Variants in KCNT2 observed in about 807,000 individuals in gnomAD.
KCNT2 encodes potassium channel subfamily T member 2.
KCNT2 carries 67 observed loss-of-function variants against 153.8 expected under a neutral mutation model. That is an observed-to-expected ratio of 0.44 (90% CI 0.36 to 0.53). The LOEUF (loss-of-function observed/expected upper bound fraction) is 0.53. Among genes scored for constraint, KCNT2 ranks in the 20% least tolerant of loss-of-function variants. The pLI is 0.00. For missense variants in KCNT2, 975 were observed against 1,354.8 expected, an observed-to-expected ratio of 0.72 and a Z score of 4.40; for synonymous variants, 500 against 458.8, an observed-to-expected ratio of 1.09 and a Z score of -1.15.
At chr1:196,378,723 A>C (rs1030860631) in intron 13 of KCNT2, among the ~76,000 whole-genome samples, 3 of 148,098 alleles carry the variant, frequency 2.0e-5, no homozygotes, top group Non-Finnish European at 4.5e-5. Flanking sequence ...AAACAGCAAT[A>C]TAATATATAA....
At chr1:196,248,359 AGTT>A (rs1222276112) in intron 26 of KCNT2, among the ~76,000 whole-genome samples, 2 of 152,078 alleles carry the variant, frequency 1.3e-5, no homozygotes, top group Non-Finnish European at 2.9e-5. Context: ...CAAAAGAAAA[AGTT>A]GTTTTTTGAT....
At chr1:196,451,217 C>CTTTTTTT (rs561944079) in intron 8 of KCNT2, among the ~76,000 whole-genome samples, 11 of 63,460 alleles carry the variant, frequency 1.7e-4, no homozygotes, top group East Asian at 1.4e-3. Context: ...ATCCCTCTTT[C>CTTTTTTT]TTTTTTTTTT....
intron 21 of KCNT2, among the ~76,000 whole-genome samples, chr1:196,308,792 G>C (rs77119640): frequency 0.013 from 1,934 of 151,968 alleles, 31 homozygotes; most frequent in African/African-American, 0.036. Context: ...CCAGTGTAAG[G>C]AGACACAGAT....
At chr1:196,267,442 T>G (rs1270878302) in intron 25 of KCNT2, among the ~76,000 whole-genome samples, 1 of 152,132 alleles carries the variant, frequency 6.6e-6, no homozygotes, top group Non-Finnish European at 1.5e-5. Flanking sequence ...ATGGAAGATA[T>G]TCCTCATTAA....
At position 196,226,081 on chromosome 1, in the gene KCNT2, T is replaced by A. The variant is rs1653470823; in HGVS notation, c.*2143A>T. 1 of 152,004 alleles carries A rather than the reference T, an allele frequency of 6.6e-6. No individual in the cohort carries two copies. Among genetic ancestry groups the A allele is most frequent in the Non-Finnish European group, 1.5e-5 (1 of 67,896 alleles). The allele number at this position is 152,004 out of a possible 1,614,324, so 9.4% of individuals were successfully genotyped here. On this transcript the variant is annotated 3_prime_UTR_variant, in exon 28 of 28. Coordinates refer to ENST00000294725, the MANE Select transcript of KCNT2 (RefSeq NM_198503.5). ...TTGGACTAATGTTCATAGTCAAAAA[T>A]AATTATTTTAAAATTTATGAAACAA...
At chr1:196,350,218 A>G (rs1036353542) in intron 14 of KCNT2, among the ~76,000 whole-genome samples, 1 of 152,174 alleles carries the variant, frequency 6.6e-6, no homozygotes, top group African/African-American at 2.4e-5. Context: ...TTGGGTATAT[A>G]CCCAGTAATG....
At chr1:196,346,076 A>C (rs1666119154) in intron 14 of KCNT2, among the ~76,000 whole-genome samples, 2 of 152,076 alleles carry the variant, frequency 1.3e-5, no homozygotes, top group Non-Finnish European at 2.9e-5. Flanking sequence ...GTTCATAATA[A>C]TATTCTTATA....
At chr1:196,495,913 T>C (rs1226206987) in intron 1 of KCNT2, among the ~76,000 whole-genome samples, 1 of 152,196 alleles carries the variant, frequency 6.6e-6, no homozygotes. Flanking sequence ...ACATTTTATT[T>C]GGGTAAATGT....
intron 12 of KCNT2, among the ~76,000 whole-genome samples, chr1:196,412,964 G>T (rs1391618548): frequency 6.6e-6 from 1 of 151,474 alleles, no homozygotes; most frequent in Non-Finnish European, 1.5e-5. Context: ...AAGGAAAAAA[G>T]AGGTCAGAAA....
Position 196,561,671 on chromosome 1 carries a change from A to AAAAAAAAAAAAT in KCNT2, c.95+46543_95+46544insATTTTTTTTTTT, listed in dbSNP as rs1266188868. ...TCATCTCAAAAAAAAAAAAAAAAAA[A>AAAAAAAAAAAAT]AAAAAAGAAGAAGAAGAAAGAATAG... is the stretch of plus-strand genomic sequence containing the variant. On this transcript the variant is annotated intron_variant, in intron 1 of 27. Transcript: ENST00000294725. Among the ~76,000 whole-genome samples the AAAAAAAAAAAAT allele has an allele frequency of 5.6e-4, 17 of 30,468 alleles. No individual in the cohort carries two copies. In the Non-Finnish European group the frequency reaches 0.02, roughly 35 times the overall value. 20.0% of individuals were successfully genotyped at this position (30,468 alleles called of 152,430 possible). A position where few individuals can be genotyped will look rare whatever the true frequency, so the allele number is the denominator to read the frequency against.
At chr1:196,486,117 C>T (rs1024349291) in intron 3 of KCNT2, among the ~76,000 whole-genome samples, 4 of 151,898 alleles carry the variant, frequency 2.6e-5, no homozygotes, top group Non-Finnish European at 4.4e-5. Flanking sequence ...TACTTTAGGT[C>T]ATACCAGTAT....
intron 8 of KCNT2, among the ~76,000 whole-genome samples, chr1:196,444,522 T>C (rs1166099687): frequency 6.6e-6 from 1 of 151,352 alleles, no homozygotes; most frequent in Non-Finnish European, 1.5e-5. Flanking sequence ...TCGTGACCAG[T>C]TAAAAACAAA....
intron 1 of KCNT2, among the ~76,000 whole-genome samples, chr1:196,586,591 C>T (rs1289327423): frequency 6.6e-6 from 1 of 151,960 alleles, no homozygotes; most frequent in Non-Finnish European, 1.5e-5. Context: ...TCTTACTCTG[C>T]TATTGGAAAA....
At chr1:196,547,504 G>A (rs1307420779) in intron 1 of KCNT2, among the ~76,000 whole-genome samples, 1 of 151,906 alleles carries the variant, frequency 6.6e-6, no homozygotes, top group African/African-American at 2.4e-5. Flanking sequence ...TTCTTGTAAA[G>A]AAACATTTAC....
intron 22 of KCNT2, among the ~76,000 whole-genome samples, chr1:196,296,019 T>A (rs1660647423): frequency 6.6e-6 from 1 of 151,992 alleles, no homozygotes; most frequent in African/African-American, 2.4e-5. Context: ...CTGCTCCATA[T>A]GTTACACTTC....
At chr1:196,594,414 A>G (rs758083410) in intron 1 of KCNT2, among the ~76,000 whole-genome samples, 2 of 152,186 alleles carry the variant, frequency 1.3e-5, no homozygotes, top group Non-Finnish European at 2.9e-5. Context: ...TTATTATAAT[A>G]ATGTACACAT....
chr1:196,269,395 C>T (rs1409331358), intron 25 of KCNT2, among the ~76,000 whole-genome samples: 1 of 152,000 alleles, frequency 6.6e-6, no homozygotes, highest in African/African-American at 2.4e-5. Context: ...GTAAAACCTA[C>T]ACACTACAAG....
At chr1:196,419,547 T>G (rs1165732520) in intron 12 of KCNT2, among the ~76,000 whole-genome samples, 1 of 151,578 alleles carries the variant, frequency 6.6e-6, no homozygotes, top group African/African-American at 2.4e-5. Flanking sequence ...TATTCCATGG[T>G]GTATATGTGC....
rs1420028795 is a variant in KCNT2, at chr1:196,416,580, AGTTTTTCCAACT to A, written c.1185+6458_1185+6469del. ...ATATATGCTACTTGTTTCACTAAAC[AGTTTTTCCAACT>A]GTTTTTCCAACAGCTGTTGAGTTCT... On this transcript the variant is annotated intron_variant, in intron 12 of 27. Coordinates refer to ENST00000294725, the MANE Select transcript of KCNT2 (RefSeq NM_198503.5). 6.6e-5 allele frequency among the ~76,000 whole-genome samples: 10 copies of A among 152,136 alleles called. No homozygotes were observed. The East Asian group carries it at 1.6e-3, about 24-fold the overall frequency.
Sources: allele counts gnomAD v4.1 joint callset (sites outside exome capture counted in the v4.1 genomes callset), GRCh38; gene constraint gnomAD v4.1.1; transcripts MANE v1.5; gene names NCBI Gene and HGNC (gene_info 2026-07-23, HGNC 2026-07-21).